Variants in SF3A3 observed in about 807,000 individuals in gnomAD.
SF3A3 encodes the protein SAP 61.
In SF3A3, 9 loss-of-function variants were observed where a neutral mutation model predicts 85.8. That is an observed-to-expected ratio of 0.10 (90% CI 0.06 to 0.18). The LOEUF (loss-of-function observed/expected upper bound fraction) is 0.18, where lower values mean the gene tolerates loss of function less well. Among genes scored for constraint, SF3A3 ranks in the 10% least tolerant of loss-of-function variants. SF3A3 has a pLI of 1.00. For missense variants in SF3A3, 306 were observed against 593.3 expected (o/e 0.52, Z 5.03); for synonymous variants, 195 against 204.4 (o/e 0.95, Z 0.39).
intron 14 of SF3A3, among the ~76,000 whole-genome samples, chr1:37,969,128 G>A (rs942632196): frequency 5.9e-5 from 9 of 152,126 alleles, no homozygotes; most frequent in African/African-American, 2.2e-4. Context: ...AACCAAATAA[G>A]GTTCAAAGAG....
At position 37,979,544 on chromosome 1, in the gene SF3A3, C is replaced by A; in HGVS notation, c.691-11G>T. On this transcript the variant is annotated splice_polypyrimidine_tract_variant and intron_variant, in intron 8 of 16. Transcript: ENST00000373019. ...ACTGCTTGTCTCTTTCTGGAAAGAA[C>A]AATATGGTATTTATTAAGATCCAGG... is the stretch of plus-strand genomic sequence containing the variant. 1.2e-6 allele frequency: 2 copies of A among 1,606,158 alleles called. No homozygotes were observed. The highest frequency in any genetic ancestry group is 1.7e-6 in the Non-Finnish European group (2 of 1,173,388).
At chr1:37,985,149 A>G (rs114111825) in intron 4 of SF3A3, among the ~76,000 whole-genome samples, 151 of 152,344 alleles carry the variant, frequency 9.9e-4, no homozygotes, top group Non-Finnish European at 1.8e-3. Flanking sequence ...GATCACAGAA[A>G]TGAAATACAC....
chr1:37,970,080 G>T (rs1214727592), intron 12 of SF3A3, among the ~76,000 whole-genome samples: 2 of 152,080 alleles, frequency 1.3e-5, no homozygotes, highest in Non-Finnish European at 2.9e-5. Context: ...TGGGGTGGGA[G>T]AATCACTTGA....
Position 37,978,707 on chromosome 1 carries a change from C to A in SF3A3, c.935+13G>T, listed in dbSNP as rs943746938. The A allele has an allele frequency of 6.5e-7, 1 of 1,530,800 alleles. No homozygotes were observed. Among genetic ancestry groups the A allele is most frequent in the East Asian group, 2.4e-5 (1 of 41,062 alleles). The allele number at this position is 1,530,800 out of a possible 1,614,324, so 94.8% of individuals were successfully genotyped here. On this transcript the variant is annotated intron_variant, in intron 11 of 16. Coordinates refer to ENST00000373019, the MANE Select transcript of SF3A3 (RefSeq NM_006802.4). ...TAAAAGCCACAAGCAGCAGTGCTACCCCAGCCACTCACCGCTTGGTGCCCT... is the reference window on the plus strand; with the variant it reads ...TAAAAGCCACAAGCAGCAGTGCTACACCAGCCACTCACCGCTTGGTGCCCT...
intron 2 of SF3A3, among the ~76,000 whole-genome samples, chr1:37,988,882 T>TAC (rs35810125): frequency 1.4e-5 from 2 of 146,904 alleles, no homozygotes; most frequent in African/African-American, 5.0e-5. Flanking sequence ...TGTGTGTGTA[T>TAC]ATATATATAT....
intron 15 of SF3A3, 192 bp from the exon 16 acceptor site, chr1:37,960,367 A>T (rs1368236992): frequency 3.8e-6 from 2 of 520,092 alleles, no homozygotes; most frequent in East Asian, 2.8e-5. Flanking sequence ...AAAATTCATC[A>T]TGATCTTGCT....
Position 37,967,404 on chromosome 1 carries a change from G to C in SF3A3, c.1372+640C>G, listed in dbSNP as rs1041912160. On this transcript the variant is annotated intron_variant, in intron 15 of 16. Transcript: ENST00000373019. Reference sequence around the variant, plus strand: ...ACTAAAAATACAAAAAATTAGCCAGGTGTGGCGGCTCATGCCTGTAATCCC... The same window carrying C: ...ACTAAAAATACAAAAAATTAGCCAGCTGTGGCGGCTCATGCCTGTAATCCC... Among the ~76,000 whole-genome samples, 5 of 151,838 alleles carry C rather than the reference G, an allele frequency of 3.3e-5. No homozygotes were observed. In the East Asian group the frequency reaches 9.8e-4, roughly 30 times the overall value.
intron 15 of SF3A3, among the ~76,000 whole-genome samples, chr1:37,967,504 CCT>C (rs1646310128): frequency 6.6e-6 from 1 of 151,466 alleles, no homozygotes; most frequent in African/African-American, 2.4e-5. Flanking sequence ...ACTGTGAAAC[CCT>C]GTCTCTACTA....
intron 11 of SF3A3, among the ~76,000 whole-genome samples, chr1:37,978,088 A>G (rs1646392250): frequency 6.6e-6 from 1 of 152,140 alleles, no homozygotes; most frequent in Admixed American, 6.6e-5. Context: ...CTATAATCGC[A>G]GCACTTTGGG....
chr1:37,987,723 G>A, intron 3 of SF3A3, 45 bp from the exon 4 acceptor site: 2 of 1,604,498 alleles, frequency 1.2e-6, no homozygotes, highest in South Asian at 1.1e-5. Flanking sequence ...CACAAAGTCA[G>A]TCCTCTAACC....
chr1:37,984,023 G>A (rs1256235284), intron 6 of SF3A3, 146 bp downstream of exon 6: 16 of 480,016 alleles, frequency 3.3e-5, no homozygotes, highest in Non-Finnish European at 4.5e-5. Context: ...TTCATTCCAA[G>A]AGAGCATATC....
At chr1:37,960,854 C>A (rs566582164) in intron 15 of SF3A3, among the ~76,000 whole-genome samples, 3 of 152,084 alleles carry the variant, frequency 2.0e-5, no homozygotes, top group South Asian at 2.1e-4. Flanking sequence ...GGGGTTTCAC[C>A]GTGTTAGCCA....
At chr1:37,970,844 C>T (rs558761104) in intron 12 of SF3A3, among the ~76,000 whole-genome samples, 10 of 152,226 alleles carry the variant, frequency 6.6e-5, no homozygotes, top group African/African-American at 1.9e-4. Context: ...ATCTCTGGGA[C>T]GCATTTAAAG....
intron 15 of SF3A3, among the ~76,000 whole-genome samples, chr1:37,966,627 ATT>A (rs1646301846): frequency 6.6e-6 from 1 of 152,166 alleles, no homozygotes; most frequent in South Asian, 2.1e-4. Flanking sequence ...TTGCCGACTA[ATT>A]CATTTCTCTT....
intron 15 of SF3A3, among the ~76,000 whole-genome samples, chr1:37,963,268 T>C (rs1010492674): frequency 5.3e-5 from 8 of 151,936 alleles, no homozygotes; most frequent in Non-Finnish European, 8.8e-5. Flanking sequence ...TGATCCAAGA[T>C]TGTACCACTG....
At chr1:37,973,254 A>G (rs1325370319) in intron 12 of SF3A3, among the ~76,000 whole-genome samples, 1 of 152,036 alleles carries the variant, frequency 6.6e-6, no homozygotes, top group Admixed American at 6.6e-5. Flanking sequence ...CTAGAAGAAA[A>G]CCTAGGCAAT....
chr1:37,969,966 G>A (rs1389833908), intron 12 of SF3A3, among the ~76,000 whole-genome samples: 7 of 152,176 alleles, frequency 4.6e-5, no homozygotes, highest in Non-Finnish European at 1.0e-4. Flanking sequence ...ACTCATCTGA[G>A]GCTATTATAG....
intron 8 of SF3A3, among the ~76,000 whole-genome samples, chr1:37,979,890 A>C (rs867714845): frequency 2.0e-5 from 3 of 151,682 alleles, no homozygotes; most frequent in South Asian, 4.2e-4. Flanking sequence ...AAACAAAACA[A>C]AAAACAAAAA....
At chr1:37,961,445 G>A (rs917587842) in intron 15 of SF3A3, among the ~76,000 whole-genome samples, 6 of 151,988 alleles carry the variant, frequency 3.9e-5, no homozygotes, top group African/African-American at 7.2e-5. Flanking sequence ...TTAGCCGAGC[G>A]TGGTGGTGCA....
Sources: allele counts gnomAD v4.1 joint callset (sites outside exome capture counted in the v4.1 genomes callset), GRCh38; gene constraint gnomAD v4.1.1; transcripts MANE v1.5; gene names NCBI Gene and HGNC (gene_info 2026-07-23, HGNC 2026-07-21).